The following LUZP2 variants were observed in gnomAD, a reference collection of about 807,000 sequenced individuals.
LUZP2 encodes the protein leucine zipper protein 2.
A neutral mutation model predicts 51.6 loss-of-function variants in LUZP2; 52 were observed. The ratio of observed to expected loss-of-function variants is 1.01; its 90% CI spans 0.81 to 1.27. The LOEUF (loss-of-function observed/expected upper bound fraction) is 1.27, where lower values mean the gene tolerates loss of function less well. Ranked by LOEUF, LUZP2 falls within the 50% of genes most tolerant of loss-of-function variation. The probability of loss-of-function intolerance (pLI) is 0.00; values close to 1 mark genes in which losing one functional copy is unlikely to be tolerated. For missense variants in LUZP2, 436 were observed against 395.4 expected, an observed-to-expected ratio of 1.10 and a Z score of -0.87; for synonymous variants, 154 against 137.3, an observed-to-expected ratio of 1.12 and a Z score of -0.85.
At chr11:24,908,385 A>G (rs1853525532) in intron 6 of LUZP2, among the ~76,000 whole-genome samples, 2 of 152,198 alleles carry the variant, frequency 1.3e-5, no homozygotes, top group South Asian at 4.1e-4. Context: ...GGGATAAAAA[A>G]GCTGAGCTAA....
chr11:24,949,945 C>T (rs563190675), intron 7 of LUZP2, among the ~76,000 whole-genome samples: 49 of 145,988 alleles, frequency 3.4e-4, no homozygotes, highest in Non-Finnish European at 4.4e-4. Context: ...ATGCTCCCCC[C>T]GCCCTTTTTC....
At chr11:24,666,134 G>A (rs1856204654) in intron 1 of LUZP2, among the ~76,000 whole-genome samples, 1 of 152,112 alleles carries the variant, frequency 6.6e-6, no homozygotes, top group Non-Finnish European at 1.5e-5. Flanking sequence ...AACAGGAGGA[G>A]CTAGAAATGG....
At chr11:24,854,268 T>A (rs1265345750) in intron 5 of LUZP2, among the ~76,000 whole-genome samples, 1 of 152,194 alleles carries the variant, frequency 6.6e-6, no homozygotes, top group Non-Finnish European at 1.5e-5. Context: ...GGAAGCTTTA[T>A]CTATAAGTAC....
intron 5 of LUZP2, among the ~76,000 whole-genome samples, chr11:24,837,887 T>C (rs1008009829): frequency 6.6e-6 from 1 of 151,658 alleles, no homozygotes; most frequent in Non-Finnish European, 1.5e-5. Context: ...TTCACAATAC[T>C]CTTGTGAATA....
rs117401499 is a variant in LUZP2 at position 24,501,158 on chromosome 11, A to G, written c.62+3853A>G. On this transcript the variant is annotated intron_variant, in intron 1 of 11. Transcript: ENST00000336930. ...CTACGTTCCTTTATTTGTGATAAAA[A>G]TTGTACCTTCCATGTAAATGAGATA... Among the ~76,000 whole-genome samples, 488 of 152,344 alleles carry G rather than the reference A, an allele frequency of 3.2e-3. 3 individuals are homozygous for G. Among genetic ancestry groups the G allele is most frequent in the Non-Finnish European group, 4.6e-3 (315 of 68,034 alleles).
chr11:24,800,132 T>G (rs1849656775), intron 5 of LUZP2, among the ~76,000 whole-genome samples: 1 of 152,128 alleles, frequency 6.6e-6, no homozygotes, highest in Non-Finnish European at 1.5e-5. Flanking sequence ...CTTGTTTTTT[T>G]AGGGTTGGAT....
intron 1 of LUZP2, among the ~76,000 whole-genome samples, chr11:24,616,704 A>G (rs1324053954): frequency 1.3e-5 from 2 of 152,130 alleles, no homozygotes; most frequent in African/African-American, 4.8e-5. Context: ...TTTATTACGT[A>G]GCTGTATATT....
chr11:24,908,273 A>G (rs1379350108), intron 6 of LUZP2, among the ~76,000 whole-genome samples: 2 of 152,144 alleles, frequency 1.3e-5, no homozygotes, highest in Non-Finnish European at 2.9e-5. Context: ...TACTATAAAC[A>G]CCATCTACCA....
intron 1 of LUZP2, among the ~76,000 whole-genome samples, chr11:24,619,224 G>A (rs1412881640): frequency 1.3e-5 from 2 of 151,976 alleles, no homozygotes; most frequent in Admixed American, 1.3e-4. Context: ...TGTAGAGACA[G>A]TATCTTGCTA....
At position 24,914,484 on chromosome 11, in the gene LUZP2, A is replaced by T; in HGVS notation, c.468A>T (p.Lys156Asn). Residue 156 changes from lysine to asparagine, a missense_variant, in exon 7 of 12, where the codon AAA becomes AAT. Coordinates refer to ENST00000336930, the MANE Select transcript of LUZP2 (RefSeq NM_001009909.4). ...ATGTTTTTGCCTTACAGTCAAAAAA[A>T]ATCCAAGCCCAGCTGAAGGAGCTTC... is the stretch of plus-strand genomic sequence containing the variant. ...LCGIHAEESK[K>N]IQAQLKELRY... 1 of 1,608,794 alleles carries T rather than the reference A, an allele frequency of 6.2e-7. No homozygotes were observed. The highest frequency in any genetic ancestry group is 1.1e-5 in the South Asian group (1 of 89,798).
At chr11:24,926,606 T>C (rs1335954875) in intron 7 of LUZP2, among the ~76,000 whole-genome samples, 1 of 146,188 alleles carries the variant, frequency 6.8e-6, no homozygotes, top group African/African-American at 2.5e-5. Flanking sequence ...TATATGTGTG[T>C]ATATATGTAT....
chr11:24,589,790 T>C (rs1291210626), intron 1 of LUZP2, among the ~76,000 whole-genome samples: 1 of 152,170 alleles, frequency 6.6e-6, no homozygotes, highest in Non-Finnish European at 1.5e-5. Flanking sequence ...GCCTCATTTC[T>C]TTTTCTTCAA....
Position 24,814,880 on chromosome 11 carries a change from T to C in LUZP2, c.396+51572T>C, listed in dbSNP as rs34006890. ...GGCGGTGTGCGCCTGTAGTCCCAGC[T>C]ACTCGGGAGGCTGAGGCAGGAGAAT... On this transcript the variant is annotated intron_variant, in intron 5 of 11. Coordinates refer to ENST00000336930, the MANE Select transcript of LUZP2 (RefSeq NM_001009909.4). 2.4e-3 allele frequency among the ~76,000 whole-genome samples: 367 copies of C among 151,722 alleles called. 1 individual carries two copies. Among genetic ancestry groups the C allele is most frequent in the Non-Finnish European group, 3.9e-3 (268 of 67,952 alleles).
chr11:24,817,926 A>G (rs1312132646), intron 5 of LUZP2, among the ~76,000 whole-genome samples: 5 of 152,114 alleles, frequency 3.3e-5, no homozygotes, highest in Non-Finnish European at 7.4e-5. Context: ...AAATATGTAG[A>G]TAATAAAATT....
intron 1 of LUZP2, among the ~76,000 whole-genome samples, chr11:24,515,319 C>T (rs1357614900): frequency 2.6e-5 from 4 of 152,082 alleles, no homozygotes; most frequent in Non-Finnish European, 5.9e-5. Flanking sequence ...GTTTAGTCTA[C>T]TGAGCTGAAA....
intron 1 of LUZP2, 96 bp downstream of exon 1, chr11:24,497,401 C>T: frequency 1.3e-6 from 1 of 799,232 alleles, no homozygotes; most frequent in Non-Finnish European, 1.8e-6. Context: ...GGCACTTCAG[C>T]TGTTTGCATC....
intron 10 of LUZP2, among the ~76,000 whole-genome samples, chr11:25,073,962 A>G (rs1300960670): frequency 6.6e-6 from 1 of 152,220 alleles, no homozygotes; most frequent in Non-Finnish European, 1.5e-5. Flanking sequence ...AAGAACCCGA[A>G]GCCCAGCGAA....
At chr11:24,939,817 G>C (rs931563482) in intron 7 of LUZP2, among the ~76,000 whole-genome samples, 1 of 152,086 alleles carries the variant, frequency 6.6e-6, no homozygotes, top group Non-Finnish European at 1.5e-5. Context: ...TATATATATA[G>C]TGCTTCTTTG....
chr11:24,955,977 G>A (rs1236008468), intron 7 of LUZP2, among the ~76,000 whole-genome samples: 3 of 151,966 alleles, frequency 2.0e-5, no homozygotes, highest in Admixed American at 6.6e-5. Flanking sequence ...GACAGCGAGA[G>A]AGAGAAAATG....
Sources: allele counts gnomAD v4.1 joint callset (sites outside exome capture counted in the v4.1 genomes callset), GRCh38; gene constraint gnomAD v4.1.1; transcripts MANE v1.5; gene names NCBI Gene and HGNC (gene_info 2026-07-23, HGNC 2026-07-21).